The following ERICH5 variants were observed in gnomAD, a reference collection of about 807,000 sequenced individuals.
The protein encoded by ERICH5 is glutamate rich 5, also known as glutamate-rich protein 5.
Under a neutral mutation model 28.0 loss-of-function variants are expected in ERICH5, and 24 were observed. That is an observed-to-expected ratio of 0.86 (90% CI 0.62 to 1.21). The LOEUF (loss-of-function observed/expected upper bound fraction) is 1.21. Among genes scored for constraint, ERICH5 ranks in the 50% most tolerant of loss-of-function variants. The pLI is 0.00. For missense variants in ERICH5, 421 were observed against 441.2 expected (o/e 0.95, Z 0.41); for synonymous variants, 163 against 157.6 (o/e 1.03, Z -0.25).
chr8:98,077,469 C>G (rs1343434934), intron 1 of ERICH5, among the ~76,000 whole-genome samples: 1 of 152,100 alleles, frequency 6.6e-6, no homozygotes, highest in African/African-American at 2.4e-5. Flanking sequence ...TCAATAATTT[C>G]TAAAGTGATG....
At chr8:98,079,208 T>C (rs2130520719) in intron 1 of ERICH5, among the ~76,000 whole-genome samples, 1 of 146,960 alleles carries the variant, frequency 6.8e-6, no homozygotes, top group South Asian at 2.3e-4. Flanking sequence ...TCTCTGTCTG[T>C]TGCCCAGGCT....
intron 1 of ERICH5, among the ~76,000 whole-genome samples, chr8:98,065,292 G>A (rs567125049): frequency 3.3e-4 from 50 of 152,324 alleles, no homozygotes; most frequent in African/African-American, 1.1e-3. Context: ...CAGCATCAAA[G>A]ATGGCAAAAG....
At chr8:98,073,464 A>C (rs1455171943) in intron 1 of ERICH5, among the ~76,000 whole-genome samples, 78 of 2,020 alleles carry the variant, frequency 0.039, 12 homozygotes, top group African/African-American at 0.1. Context: ...ATATATGTAT[A>C]TATATATATA....
chr8:98,091,836 T>TTTTCTTTCTTTCTTTCTTTC (rs3074382), intron 2 of ERICH5, among the ~76,000 whole-genome samples: 4 of 107,300 alleles, frequency 3.7e-5, no homozygotes, highest in Admixed American at 9.9e-5. Context: ...TTCTTTTTCT[T>TTTTCTTTCTTTCTTTCTTTC]TTTCTTTCTT....
At chr8:98,083,868 C>G (rs1008498528) in intron 1 of ERICH5, among the ~76,000 whole-genome samples, 1 of 152,052 alleles carries the variant, frequency 6.6e-6, no homozygotes, top group African/African-American at 2.4e-5. Context: ...ATCCATCTAT[C>G]CCTCTTCCCA....
chr8:98,065,814 T>C (rs1017436737), intron 1 of ERICH5, among the ~76,000 whole-genome samples: 3 of 152,246 alleles, frequency 2.0e-5, no homozygotes, highest in African/African-American at 7.2e-5. Flanking sequence ...ACAGATTTTC[T>C]CTTAGCACCT....
chr8:98,090,588 C>A (rs1815366585), intron 2 of ERICH5, among the ~76,000 whole-genome samples: 1 of 148,734 alleles, frequency 6.7e-6, no homozygotes, highest in Admixed American at 6.7e-5. Context: ...CATAGTGAGA[C>A]CTTGTTCTCC....
chr8:98,071,333 TAC>T (rs1398889327), intron 1 of ERICH5, among the ~76,000 whole-genome samples: 4 of 152,204 alleles, frequency 2.6e-5, no homozygotes, highest in African/African-American at 9.6e-5. Context: ...AGCTCATGTG[TAC>T]AGTTTCACTT....
Position 98,090,020 on chromosome 8 carries a change from C to T in ERICH5, c.1003C>T (p.Arg335Cys), listed in dbSNP as rs748448678. 18 of 1,607,762 alleles carry T rather than the reference C, an allele frequency of 1.1e-5. 1 individual carries two copies. Among genetic ancestry groups the T allele is most frequent in the African/African-American group, 6.7e-5 (5 of 74,766 alleles). Residue 335 changes from arginine (R) to cysteine (C), a missense_variant, in exon 2 of 3, where the codon CGC becomes TGC. Transcript: ENST00000318528. ...CATCCATACTAATGAAGAGGACCAA[C>T]GCATTGAAGGTAAAAGTTATGCTGG... ...RNIHTNEEDQRIEGETGEKVE... is the reference protein window; with the variant it reads ...RNIHTNEEDQCIEGETGEKVE...
intron 1 of ERICH5, among the ~76,000 whole-genome samples, chr8:98,073,464 A>G (rs1455171943): frequency 1.9e-3 from 4 of 2,054 alleles, no homozygotes; most frequent in African/African-American, 6.8e-3. Flanking sequence ...ATATATGTAT[A>G]TATATATATA....
At chr8:98,070,184 G>T (rs1814886075) in intron 1 of ERICH5, among the ~76,000 whole-genome samples, 1 of 152,014 alleles carries the variant, frequency 6.6e-6, no homozygotes, top group Non-Finnish European at 1.5e-5. Flanking sequence ...TCTGGGATCT[G>T]GTCCTAGTTC....
chr8:98,083,304 T>G (rs774929214), intron 1 of ERICH5, among the ~76,000 whole-genome samples: 3 of 152,214 alleles, frequency 2.0e-5, no homozygotes, highest in Non-Finnish European at 4.4e-5. Context: ...CTAAGGCAAT[T>G]ATCACCAGAC....
At chr8:98,082,690 A>G (rs901541926) in intron 1 of ERICH5, among the ~76,000 whole-genome samples, 2 of 151,658 alleles carry the variant, frequency 1.3e-5, no homozygotes, top group African/African-American at 2.4e-5. Context: ...TGGGCAACAT[A>G]GAGAGACGCT....
intron 2 of ERICH5, among the ~76,000 whole-genome samples, chr8:98,091,925 CTTT>C (rs1815410196): frequency 1.1e-4 from 7 of 66,498 alleles, no homozygotes; most frequent in African/African-American, 4.3e-4. Flanking sequence ...TTCTTCCTTT[CTTT>C]CTTTCTTCCT....
At chr8:98,082,981 G>A (rs573136131) in intron 1 of ERICH5, among the ~76,000 whole-genome samples, 138 of 152,328 alleles carry the variant, frequency 9.1e-4, no homozygotes, top group Middle Eastern at 6.8e-3. Context: ...CACCATCTGT[G>A]GAGAAATCAA....
At chr8:98,074,426 C>CT (rs35893011) in intron 1 of ERICH5, among the ~76,000 whole-genome samples, 46,783 of 132,866 alleles carry the variant, frequency 0.35, 9,264 homozygotes, top group East Asian at 0.62. Flanking sequence ...TTTTAATTTA[C>CT]TTTTTTTTTT....
In ERICH5 at chr8:98,087,503, T is replaced by TG. The variant is rs199576776; in HGVS notation, c.59-1568dup. Among the ~76,000 whole-genome samples the TG allele has an allele frequency of 5.1e-4, 77 of 152,216 alleles. No individual in the cohort carries two copies. The East Asian group carries it at 0.014, about 27-fold the overall frequency. On this transcript the variant is annotated intron_variant, in intron 1 of 2. Transcript: ENST00000318528. Reference sequence around the variant, plus strand: ...AAAAGAAAAGAAGAAAAACAATCTTTGGGGGAAAAAAGATGAAGAAAAAGA... The same window carrying TG: ...AAAAGAAAAGAAGAAAAACAATCTTTGGGGGGAAAAAAGATGAAGAAAAAGA...
intron 1 of ERICH5, among the ~76,000 whole-genome samples, chr8:98,086,822 G>A (rs1242610747): frequency 6.6e-6 from 1 of 151,724 alleles, no homozygotes; most frequent in African/African-American, 2.4e-5. Flanking sequence ...GTGGTGGTGG[G>A]TGCCTGTAGT....
In ERICH5 at chr8:98,093,444, G is replaced by A; in HGVS notation, c.*111G>A. ...CATTTACATGTTTTCTGTAAGGAGTGTGGTTATAGAGAGACTGTTGGAACC... is the reference window on the plus strand; with the variant it reads ...CATTTACATGTTTTCTGTAAGGAGTATGGTTATAGAGAGACTGTTGGAACC... On this transcript the variant is annotated 3_prime_UTR_variant, in exon 3 of 3. Coordinates refer to ENST00000318528, the MANE Select transcript of ERICH5 (RefSeq NM_173549.3). 1.4e-6 allele frequency: 1 copy of A among 703,102 alleles called. No homozygotes were observed. Among genetic ancestry groups the A allele is most frequent in the East Asian group, 2.8e-5 (1 of 36,298 alleles). The allele number at this position is 703,102 out of a possible 1,614,324, so 43.6% of individuals were successfully genotyped here. A position where few individuals can be genotyped will look rare whatever the true frequency, so the allele number is the denominator to read the frequency against.
Sources: allele counts gnomAD v4.1 joint callset (sites outside exome capture counted in the v4.1 genomes callset), GRCh38; gene constraint gnomAD v4.1.1; transcripts MANE v1.5; gene names NCBI Gene and HGNC (gene_info 2026-07-23, HGNC 2026-07-21).